Variants in JAZF1 observed in about 807,000 individuals in gnomAD.
JAZF1 encodes JAZF zinc finger 1.
JAZF1 carries 8 observed loss-of-function variants against 26.4 expected under a neutral mutation model. That is an observed-to-expected ratio of 0.30 (90% CI 0.18 to 0.55). The LOEUF (loss-of-function observed/expected upper bound fraction) is 0.55. Among genes scored for constraint, JAZF1 ranks in the 20% least tolerant of loss-of-function variants. The pLI is 0.94. For synonymous variants in JAZF1, 126 were observed against 122.3 expected (o/e 1.03, Z -0.20); for missense variants, 199 against 322.0 (o/e 0.62, Z 2.92).
intron 1 of JAZF1, among the ~76,000 whole-genome samples, chr7:28,111,726 A>G (rs1784664023): frequency 6.6e-6 from 1 of 152,220 alleles, no homozygotes; most frequent in East Asian, 1.9e-4. Flanking sequence ...AGAAAACCTA[A>G]TAACAACAAC....
intron 2 of JAZF1, among the ~76,000 whole-genome samples, chr7:27,899,584 C>G (rs1038926446): frequency 1.3e-5 from 2 of 151,972 alleles, no homozygotes; most frequent in African/African-American, 2.4e-5. Context: ...ACAGGCACGC[C>G]CCCCCATGCC....
Position 28,051,465 on chromosome 7 carries a change from G to A in JAZF1, c.116-59484C>T, listed in dbSNP as rs370794119. On this transcript the variant is annotated intron_variant, in intron 1 of 4. Transcript: ENST00000283928. Reference sequence around the variant, plus strand: ...TCAAATCTCTTGACCTGCCCACTCAGCCTCCCAAAGTGCTGAAATTACAGG... The same window carrying A: ...TCAAATCTCTTGACCTGCCCACTCAACCTCCCAAAGTGCTGAAATTACAGG... Among the ~76,000 whole-genome samples the A allele has an allele frequency of 9.2e-5, 14 of 152,068 alleles. No homozygotes were observed. The South Asian group carries it at 1.9e-3, about 20-fold the overall frequency.
chr7:28,003,345 A>C (rs1193064207), intron 1 of JAZF1, among the ~76,000 whole-genome samples: 1 of 152,268 alleles, frequency 6.6e-6, no homozygotes, highest in Non-Finnish European at 1.5e-5. Context: ...ATGGTTAAAG[A>C]CTGGGAGAAA....
At chr7:27,846,377 A>G in intron 3 of JAZF1, 2 of 412,492 alleles carry the variant, frequency 4.8e-6, no homozygotes, top group South Asian at 3.7e-5. Context: ...GTATACGTAC[A>G]TGTACGTATA....
chr7:28,013,997 C>A (rs1782841117), intron 1 of JAZF1, among the ~76,000 whole-genome samples: 1 of 152,074 alleles, frequency 6.6e-6, no homozygotes, highest in Non-Finnish European at 1.5e-5. Flanking sequence ...AGTGGCAGAA[C>A]TAGGCCAGAA....
intron 1 of JAZF1, among the ~76,000 whole-genome samples, chr7:28,134,903 T>C (rs1782856335): frequency 6.6e-6 from 1 of 152,230 alleles, no homozygotes; most frequent in Non-Finnish European, 1.5e-5. Flanking sequence ...AATCCACATC[T>C]GATTCCTGCT....
chr7:27,977,787 A>G lies in JAZF1; in HGVS notation c.188+14122T>C, dbSNP rs1283881270. Among the ~76,000 whole-genome samples, 2 of 152,306 alleles carry G rather than the reference A, an allele frequency of 1.3e-5. 1 individual carries two copies. The highest frequency in any genetic ancestry group is 4.1e-4 in the South Asian group (2 of 4,828). ...TGCCGATTCTGACCTCTGCCTCCTC[A>G]GTTCAGCGAAGCTGCTGTGTTCTGC... On this transcript the variant is annotated intron_variant, in intron 2 of 4. Transcript: ENST00000283928.
chr7:27,909,171 T>C (rs953011873), intron 2 of JAZF1, among the ~76,000 whole-genome samples: 4 of 144,040 alleles, frequency 2.8e-5, no homozygotes, highest in East Asian at 1.9e-4. Context: ...CACCAGGCCC[T>C]GCTAATTTTG....
At chr7:27,963,310 G>A (rs1179190463) in intron 2 of JAZF1, among the ~76,000 whole-genome samples, 1 of 152,154 alleles carries the variant, frequency 6.6e-6, no homozygotes, top group African/African-American at 2.4e-5. Context: ...TGGAAACAAT[G>A]TAGCTTTGGA....
intron 1 of JAZF1, among the ~76,000 whole-genome samples, chr7:28,102,603 A>AT (rs1475147541): frequency 6.6e-6 from 1 of 151,694 alleles, no homozygotes; most frequent in Non-Finnish European, 1.5e-5. Context: ...TTTTTGAAAA[A>AT]AAATGTCTGC....
chr7:27,855,431 G>A lies in JAZF1; in HGVS notation c.386-14564C>T, dbSNP rs371103198. ...CCTTCAAAAAAATCAATGAATCCAG[G>A]AGCTGGTTTTTTGAAAAAATTAAAA... On this transcript the variant is annotated intron_variant, in intron 3 of 4. Coordinates refer to ENST00000283928, the MANE Select transcript of JAZF1 (RefSeq NM_175061.4). Among the ~76,000 whole-genome samples the A allele has an allele frequency of 1.4e-4, 21 of 152,076 alleles. No homozygotes were observed. The South Asian group carries it at 3.7e-3, about 27-fold the overall frequency.
At chr7:27,997,588 A>G (rs540750660) in intron 1 of JAZF1, among the ~76,000 whole-genome samples, 2 of 152,272 alleles carry the variant, frequency 1.3e-5, no homozygotes, top group South Asian at 4.1e-4. Flanking sequence ...CTTAAGAGTC[A>G]AAGTCTTGCT....
At chr7:27,927,052 C>A (rs530468551) in intron 2 of JAZF1, among the ~76,000 whole-genome samples, 1 of 152,198 alleles carries the variant, frequency 6.6e-6, no homozygotes, top group East Asian at 1.9e-4. Context: ...TTGCCAGGGG[C>A]AAAAGAATGG....
At chr7:28,065,620 G>A (rs1009578596) in intron 1 of JAZF1, among the ~76,000 whole-genome samples, 8 of 152,260 alleles carry the variant, frequency 5.3e-5, no homozygotes, top group South Asian at 2.1e-4. Flanking sequence ...TACCAAAAAT[G>A]TTTTACATCC....
chr7:27,893,887 C>T (rs1406559687), intron 3 of JAZF1, among the ~76,000 whole-genome samples: 5 of 152,124 alleles, frequency 3.3e-5, no homozygotes, highest in East Asian at 1.9e-4. Context: ...GTCCAGAGTG[C>T]GCTCTGGTCA....
intron 2 of JAZF1, among the ~76,000 whole-genome samples, chr7:27,967,676 A>G (rs1473590596): frequency 6.6e-6 from 1 of 152,228 alleles, no homozygotes; most frequent in Admixed American, 6.5e-5. Flanking sequence ...TTGTTGATAA[A>G]TTCCTGGTGC....
At chr7:27,861,424 A>G (rs1220621768) in intron 3 of JAZF1, among the ~76,000 whole-genome samples, 2 of 151,396 alleles carry the variant, frequency 1.3e-5, no homozygotes, top group Non-Finnish European at 2.9e-5. Flanking sequence ...CTGTTTTCTA[A>G]ATCTCTGATT....
intron 2 of JAZF1, chr7:27,914,664 T>A (rs923113136): frequency 2.2e-6 from 1 of 463,270 alleles, no homozygotes; most frequent in Non-Finnish European, 4.5e-6. Context: ...AACATTTACC[T>A]TGCAATTGTT....
chr7:27,869,895 C>A (rs1023251723), intron 3 of JAZF1, among the ~76,000 whole-genome samples: 1 of 152,002 alleles, frequency 6.6e-6, no homozygotes, highest in African/African-American at 2.4e-5. Context: ...AGCCCTGCCT[C>A]CCTAACTACA....
Sources: gnomAD v4.1 joint callset for allele counts (sites outside exome capture counted in the v4.1 genomes callset) on GRCh38, gnomAD v4.1.1 for gene constraint, MANE v1.5 for transcripts, NCBI Gene and HGNC (gene_info 2026-07-23, HGNC 2026-07-21) for gene names.